The following NREP variants were observed in gnomAD, a reference collection of about 807,000 sequenced individuals.
NREP encodes neuronal regeneration-related protein.
Under a neutral mutation model 8.6 loss-of-function variants are expected in NREP, and 5 were observed. That is an observed-to-expected ratio of 0.58 (90% CI 0.30 to 1.22). The LOEUF (loss-of-function observed/expected upper bound fraction) is 1.22. Ranked by LOEUF, NREP falls within the 50% of genes most tolerant of loss-of-function variation. NREP has a pLI of 0.07. For synonymous variants in NREP, 27 were observed against 28.0 expected, an observed-to-expected ratio of 0.96 and a Z score of 0.11; for missense variants, 86 against 82.5, an observed-to-expected ratio of 1.04 and a Z score of -0.17.
intron 2 of NREP, among the ~76,000 whole-genome samples, chr5:111,744,419 CTG>C (rs1749873154): frequency 6.6e-6 from 1 of 152,016 alleles, no homozygotes; most frequent in South Asian, 2.1e-4. Flanking sequence ...GGTAAGAATT[CTG>C]ACTTTTTTTT....
intron 2 of NREP, among the ~76,000 whole-genome samples, chr5:111,794,833 G>A (rs1751839548): frequency 6.6e-6 from 1 of 152,016 alleles, no homozygotes; most frequent in Admixed American, 6.6e-5. Context: ...ATGGCCTTTT[G>A]GTGACAATGA....
At chr5:111,811,454 T>C (rs983179422) in intron 2 of NREP, among the ~76,000 whole-genome samples, 2 of 152,200 alleles carry the variant, frequency 1.3e-5, no homozygotes, top group African/African-American at 4.8e-5. Flanking sequence ...GGGTCCCACC[T>C]CTTTCAACGA....
At chr5:111,756,142 ATTG>A in intron 1 of NREP, 1 of 1,070,510 alleles carries the variant, frequency 9.3e-7, no homozygotes, top group Non-Finnish European at 1.1e-6. Flanking sequence ...ATAAAAATAG[ATTG>A]TTTTCTGGCT....
intron 2 of NREP, among the ~76,000 whole-genome samples, chr5:111,901,934 GA>G (rs1275822106): frequency 6.6e-6 from 1 of 151,992 alleles, no homozygotes; most frequent in African/African-American, 2.4e-5. Flanking sequence ...ATTCCTTATA[GA>G]AACAGTAAAA....
intron 2 of NREP, among the ~76,000 whole-genome samples, chr5:111,951,816 G>C (rs1756167607): frequency 6.6e-6 from 1 of 151,946 alleles, no homozygotes; most frequent in Non-Finnish European, 1.5e-5. Context: ...AAATATCCTA[G>C]AGTTGTTATA....
At chr5:111,731,081 C>T (rs377165721) in intron 3 of NREP, 35 bp from the exon 4 acceptor site, 1 of 1,600,270 alleles carries the variant, frequency 6.2e-7, no homozygotes, top group East Asian at 2.2e-5. Context: ...CAGACAGACA[C>T]ACATAAAAGA....
chr5:111,916,750 G>C (rs1282517818), intron 2 of NREP, among the ~76,000 whole-genome samples: 1 of 152,116 alleles, frequency 6.6e-6, no homozygotes, highest in East Asian at 1.9e-4. Flanking sequence ...GATTAAATGA[G>C]TTACTACTTG....
At position 111,870,579 on chromosome 5, in the gene NREP, T is replaced by C. The variant is rs76784206; in HGVS notation, c.135+104695A>G. Among the ~76,000 whole-genome samples the C allele has an allele frequency of 4.1e-3, 632 of 152,296 alleles. 3 individuals are homozygous for C. The highest frequency in any genetic ancestry group is 0.014 in the African/African-American group (581 of 41,566). On this transcript the variant is annotated intron_variant, in intron 2 of 3. Transcript: ENST00000395634. Reference sequence around the variant, plus strand: ...TGGATTGGTTAAAATATTACATAAATACAAATTATGGATTGTATGCCAACA... The same window carrying C: ...TGGATTGGTTAAAATATTACATAAACACAAATTATGGATTGTATGCCAACA...
At chr5:111,905,335 G>A (rs577494036) in intron 2 of NREP, among the ~76,000 whole-genome samples, 5 of 152,210 alleles carry the variant, frequency 3.3e-5, no homozygotes, top group African/African-American at 9.6e-5. Context: ...ACCAGCAAAC[G>A]AATGAGAGCT....
chr5:111,821,266 A>G (rs1266728453), intron 2 of NREP, among the ~76,000 whole-genome samples: 2 of 152,270 alleles, frequency 1.3e-5, no homozygotes, highest in African/African-American at 2.4e-5. Context: ...GATTAGGACT[A>G]TGAGGAATTA....
intron 2 of NREP, among the ~76,000 whole-genome samples, chr5:111,751,727 A>G (rs1303777461): frequency 1.3e-5 from 2 of 152,208 alleles, no homozygotes; most frequent in Admixed American, 1.3e-4. Flanking sequence ...TATACAGATA[A>G]TTCAGGCAAA....
At chr5:111,881,471 G>C (rs1158180748) in intron 2 of NREP, among the ~76,000 whole-genome samples, 2 of 152,200 alleles carry the variant, frequency 1.3e-5, no homozygotes, top group Non-Finnish European at 2.9e-5. Context: ...GCTTTGAAGA[G>C]AGCAGTGGTT....
At chr5:111,810,851 T>C (rs1752253110) in intron 2 of NREP, among the ~76,000 whole-genome samples, 1 of 152,198 alleles carries the variant, frequency 6.6e-6, no homozygotes, top group Non-Finnish European at 1.5e-5. Flanking sequence ...CTTTTCAACA[T>C]TGACAGGTAA....
chr5:111,827,599 TG>T (rs1369856292), intron 2 of NREP, among the ~76,000 whole-genome samples: 6 of 152,174 alleles, frequency 3.9e-5, no homozygotes, highest in African/African-American at 1.4e-4. Flanking sequence ...ACCTGCAATT[TG>T]GGAGGCTGTG....
chr5:111,902,079 A>T (rs181713557), intron 2 of NREP, among the ~76,000 whole-genome samples: 3 of 152,194 alleles, frequency 2.0e-5, no homozygotes, highest in African/African-American at 7.2e-5. Flanking sequence ...CCAAAACAGC[A>T]TAGTACTGGC....
At position 111,755,436 on chromosome 5, in the gene NREP, C is replaced by T. The variant is rs3733992; in HGVS notation, c.3+334G>A. ...GACCCAAGGCTTTGTTTGAGCCCTACTGCTGTCACCACCTCCATGCGTGTC... is the reference window on the plus strand; with the variant it reads ...GACCCAAGGCTTTGTTTGAGCCCTATTGCTGTCACCACCTCCATGCGTGTC... On this transcript the variant is annotated intron_variant, in intron 2 of 3. Coordinates refer to ENST00000257435, the MANE Select transcript of NREP (RefSeq NM_004772.4). The T allele has an allele frequency of 2.4e-3, 752 of 312,158 alleles. 15 individuals are homozygous for T. In the East Asian group the frequency reaches 0.04, roughly 17 times the overall value. 19.3% of individuals were successfully genotyped at this position (312,158 alleles called of 1,614,324 possible).
At chr5:111,918,147 C>T (rs1034062842) in intron 2 of NREP, among the ~76,000 whole-genome samples, 3 of 152,126 alleles carry the variant, frequency 2.0e-5, no homozygotes, top group African/African-American at 7.2e-5. Context: ...ATACAACTTA[C>T]AAGGCATGTG....
chr5:111,822,461 G>C (rs1043876462), intron 2 of NREP, among the ~76,000 whole-genome samples: 3 of 152,160 alleles, frequency 2.0e-5, no homozygotes, highest in African/African-American at 7.2e-5. Context: ...AAACATCCAG[G>C]CTATCAATCG....
intron 2 of NREP, among the ~76,000 whole-genome samples, chr5:111,736,257 A>AACTC (rs1749103705): frequency 6.6e-6 from 1 of 152,228 alleles, no homozygotes; most frequent in African/African-American, 2.4e-5. Flanking sequence ...TCTAAGGAAG[A>AACTC]ACTCAGCATA....
Sources: gnomAD v4.1 joint callset for allele counts (sites outside exome capture counted in the v4.1 genomes callset) on GRCh38, gnomAD v4.1.1 for gene constraint, MANE v1.5 for transcripts, NCBI Gene and HGNC (gene_info 2026-07-23, HGNC 2026-07-21) for gene names.